The following ITSN1 variants were observed in gnomAD, a reference collection of about 807,000 sequenced individuals.
ITSN1 encodes the protein intersectin-1.
A neutral mutation model predicts 239.8 loss-of-function variants in ITSN1; 58 were observed. The observed-to-expected ratio is 0.24, with a 90% CI of 0.20 to 0.30. The LOEUF is 0.30. Ranked by LOEUF, ITSN1 falls within the 10% of genes least tolerant of loss-of-function variation. The probability of loss-of-function intolerance (pLI) is 1.00; values close to 1 mark genes in which losing one functional copy is unlikely to be tolerated. For synonymous variants in ITSN1, 780 were observed against 770.8 expected (o/e 1.01, Z -0.20); for missense variants, 1,558 against 2,103.3 (o/e 0.74, Z 5.07).
intron 4 of ITSN1, among the ~76,000 whole-genome samples, chr21:33,733,543 A>G (rs2066317410): frequency 6.6e-6 from 1 of 152,232 alleles, no homozygotes; most frequent in South Asian, 2.1e-4. Flanking sequence ...CAAATAATGA[A>G]TTTTTAAAAG....
intron 1 of ITSN1, among the ~76,000 whole-genome samples, chr21:33,688,070 T>G (rs2091334596): frequency 6.6e-6 from 1 of 152,074 alleles, no homozygotes; most frequent in Non-Finnish European, 1.5e-5. Context: ...AAATCATCAC[T>G]GTTTTGTTTG....
chr21:33,697,667 C>A (rs1231066775), intron 1 of ITSN1, among the ~76,000 whole-genome samples: 1 of 152,088 alleles, frequency 6.6e-6, no homozygotes, highest in African/African-American at 2.4e-5. Flanking sequence ...TTGAAAGGCT[C>A]TTATCTCAAT....
chr21:33,817,141 T>C, intron 22 of ITSN1: 1 of 1,197,688 alleles, frequency 8.3e-7, no homozygotes. Flanking sequence ...TGAAAGTTGG[T>C]GTTTCATTTT....
chr21:33,831,933 C>T (rs1026007305), intron 27 of ITSN1, among the ~76,000 whole-genome samples: 1 of 152,158 alleles, frequency 6.6e-6, no homozygotes, highest in African/African-American at 2.4e-5. Flanking sequence ...TCCTTAGACC[C>T]TCGGGTCCCA....
intron 22 of ITSN1, chr21:33,817,777 A>G (rs1323234559): frequency 9.6e-6 from 6 of 624,442 alleles, no homozygotes; most frequent in Non-Finnish European, 1.4e-5. Flanking sequence ...AAAAGGAACT[A>G]AAACAAGCAT....
chr21:33,754,563 G>C (rs904559849), intron 7 of ITSN1, among the ~76,000 whole-genome samples: 1 of 152,230 alleles, frequency 6.6e-6, no homozygotes, highest in Non-Finnish European at 1.5e-5. Context: ...TGATATTTGT[G>C]TGGACAGTGG....
At chr21:33,680,618 G>A (rs2090891340) in intron 1 of ITSN1, among the ~76,000 whole-genome samples, 2 of 152,160 alleles carry the variant, frequency 1.3e-5, no homozygotes, top group South Asian at 2.1e-4. Context: ...GGCGTGAGCC[G>A]ATGTGCGTGG....
At chr21:33,666,472 A>T (rs200610496) in intron 1 of ITSN1, among the ~76,000 whole-genome samples, 6 of 38,152 alleles carry the variant, frequency 1.6e-4, no homozygotes, top group Non-Finnish European at 2.6e-4. Flanking sequence ...TAAAAAAAAT[A>T]AATATTTCGA....
chr21:33,774,007 A>G (rs1439438712), intron 12 of ITSN1, among the ~76,000 whole-genome samples: 1 of 152,202 alleles, frequency 6.6e-6, no homozygotes, highest in Non-Finnish European at 1.5e-5. Flanking sequence ...TCAGACAGAC[A>G]CTAACAAAAT....
At chr21:33,820,611 T>C (rs1469508168) in intron 24 of ITSN1, among the ~76,000 whole-genome samples, 1 of 152,200 alleles carries the variant, frequency 6.6e-6, no homozygotes, top group Non-Finnish European at 1.5e-5. Flanking sequence ...AATGTTCTTT[T>C]TTCAAGAGGT....
chr21:33,883,785 C>T, intron 36 of ITSN1, 114 bp downstream of exon 36: 2 of 1,294,254 alleles, frequency 1.5e-6, no homozygotes, highest in Non-Finnish European at 1.1e-6. Flanking sequence ...GCCATCACCC[C>T]TAGCTGGGAG....
chr21:33,772,355 T>G, intron 12 of ITSN1, 32 bp downstream of exon 12: 1 of 1,547,990 alleles, frequency 6.5e-7, no homozygotes, highest in Non-Finnish European at 8.7e-7. Flanking sequence ...CACCCGGAGT[T>G]AGTGTGCGAT....
intron 29 of ITSN1, among the ~76,000 whole-genome samples, chr21:33,849,437 A>G (rs1280118363): frequency 6.6e-6 from 1 of 151,068 alleles, no homozygotes; most frequent in Non-Finnish European, 1.5e-5. Context: ...GTGGTGGCGC[A>G]TGCCTGTAAT....
intron 37 of ITSN1, 128 bp from the exon 38 acceptor site, chr21:33,885,311 T>G (rs1381928851): frequency 2.9e-6 from 3 of 1,031,516 alleles, no homozygotes; most frequent in South Asian, 2.8e-5. Flanking sequence ...AGGAAGCAAG[T>G]GTTTAAGGAG....
At chr21:33,728,445 G>A (rs2065961413) in intron 4 of ITSN1, among the ~76,000 whole-genome samples, 2 of 149,078 alleles carry the variant, frequency 1.3e-5, no homozygotes, top group African/African-American at 5.0e-5. Flanking sequence ...GGGCAGGATG[G>A]TCTGGATCTC....
chr21:33,655,867 T>C (rs1460863179), intron 1 of ITSN1, among the ~76,000 whole-genome samples: 2 of 151,596 alleles, frequency 1.3e-5, no homozygotes, highest in East Asian at 3.9e-4. Flanking sequence ...ATCCTTAACT[T>C]AAAAAAAACT....
At chr21:33,814,121 C>A in intron 22 of ITSN1, 49 bp downstream of exon 22, 1 of 1,571,820 alleles carries the variant, frequency 6.4e-7, no homozygotes. Context: ...TATCTAGTGC[C>A]AAAAACTTCA....
intron 39 of ITSN1, among the ~76,000 whole-genome samples, 172 bp downstream of exon 39, chr21:33,886,632 G>A (rs141220138): frequency 6.6e-6 from 1 of 152,276 alleles, no homozygotes; most frequent in East Asian, 1.9e-4. Context: ...GTCTTCTGGA[G>A]GCGTCTCATT....
chr21:33,778,735 C>T (rs1307373658), intron 14 of ITSN1, among the ~76,000 whole-genome samples: 1 of 146,018 alleles, frequency 6.8e-6, no homozygotes, highest in Non-Finnish European at 1.5e-5. Flanking sequence ...CCCGCCACTA[C>T]GCCCGGCTAA....
Sources: allele counts gnomAD v4.1 joint callset (sites outside exome capture counted in the v4.1 genomes callset), GRCh38; gene constraint gnomAD v4.1.1; transcripts MANE v1.5; gene names NCBI Gene and HGNC (gene_info 2026-07-23, HGNC 2026-07-21).